The following XNDC1N variants were observed in gnomAD, a reference collection of about 807,000 sequenced individuals.
The protein encoded by XNDC1N is XRCC1 N-terminal domain containing 1, N-terminal like, also known as protein XNDC1N.
chr11:71,912,473 C>T, the XNDC1N span, among the ~76,000 whole-genome samples: 12 of 152,126 alleles, frequency 7.9e-5, no homozygotes, highest in East Asian at 1.2e-3. Flanking sequence ...TACGTTGTTG[C>T]GAGTAATATC....
the XNDC1N span, among the ~76,000 whole-genome samples, chr11:71,881,577 A>G: frequency 6.6e-6 from 1 of 152,074 alleles, no homozygotes; most frequent in Admixed American, 6.6e-5. Context: ...TAATAAGGAC[A>G]TCAGCCATAT....
At chr11:71,923,819 T>C in the XNDC1N span, among the ~76,000 whole-genome samples, 5 of 152,012 alleles carry the variant, frequency 3.3e-5, no homozygotes, top group Non-Finnish European at 7.4e-5. Flanking sequence ...ACTCCCAAAG[T>C]GTTGGGATTA....
chr11:71,928,456 T>C, the XNDC1N span: 2 of 702,318 alleles, frequency 2.8e-6, no homozygotes, highest in South Asian at 3.0e-5. Flanking sequence ...GACCTTCGCC[T>C]TCTGACCCCG....
the XNDC1N span, among the ~76,000 whole-genome samples, chr11:71,904,260 C>A: frequency 6.6e-6 from 1 of 152,156 alleles, no homozygotes; most frequent in African/African-American, 2.4e-5. Context: ...ACAGAATATA[C>A]TGTCACAGAG....
the XNDC1N span, among the ~76,000 whole-genome samples, chr11:71,900,125 G>A: frequency 2.6e-5 from 4 of 152,314 alleles, no homozygotes; most frequent in African/African-American, 4.8e-5. Context: ...TCACATCTTC[G>A]TTGCTGACCT....
chr11:71,885,361 T>C, the XNDC1N span, among the ~76,000 whole-genome samples: 1 of 152,150 alleles, frequency 6.6e-6, no homozygotes, highest in Non-Finnish European at 1.5e-5. Context: ...GCCATATATA[T>C]AGTCCTATCA....
At chr11:71,911,680 G>A in the XNDC1N span, among the ~76,000 whole-genome samples, 1 of 152,166 alleles carries the variant, frequency 6.6e-6, no homozygotes, top group Non-Finnish European at 1.5e-5. Context: ...GTGATAGAAA[G>A]AAAAGGGCCT....
At chr11:71,907,475 C>T in the XNDC1N span, among the ~76,000 whole-genome samples, 1 of 46,868 alleles carries the variant, frequency 2.1e-5, no homozygotes, top group Non-Finnish European at 1.3e-4. Flanking sequence ...CTCTTGCCCC[C>T]CCTGGCTCTT....
chr11:71,872,856 A>G, the XNDC1N span, among the ~76,000 whole-genome samples: 1 of 152,226 alleles, frequency 6.6e-6, no homozygotes, highest in Non-Finnish European at 1.5e-5. Flanking sequence ...TTTGGTCAAT[A>G]TTATTCATTC....
At chr11:71,908,182 T>C in the XNDC1N span, among the ~76,000 whole-genome samples, 3 of 151,768 alleles carry the variant, frequency 2.0e-5, no homozygotes, top group Non-Finnish European at 2.9e-5. Context: ...TGAATATGAA[T>C]GACCGATATT....
chr11:71,907,509 CTGTT>C, the XNDC1N span, among the ~76,000 whole-genome samples: 16 of 151,846 alleles, frequency 1.1e-4, no homozygotes, highest in Non-Finnish European at 1.6e-4. Context: ...GACTCACAGC[CTGTT>C]TAACATATTG....
the XNDC1N span, chr11:71,928,421 T>C: frequency 4.3e-6 from 3 of 701,290 alleles, no homozygotes; most frequent in Non-Finnish European, 7.8e-6. Flanking sequence ...CCACCAAACC[T>C]ATTCTCCCGC....
the XNDC1N span, among the ~76,000 whole-genome samples, chr11:71,890,844 C>T: frequency 1.3e-5 from 2 of 151,974 alleles, no homozygotes; most frequent in Non-Finnish European, 2.9e-5. Context: ...ACAGACCCTG[C>T]GACCTTTGCT....
At chr11:71,888,316 GT>G in the XNDC1N span, among the ~76,000 whole-genome samples, 1 of 152,188 alleles carries the variant, frequency 6.6e-6, no homozygotes, top group East Asian at 1.9e-4. Context: ...CTGAAGGCAG[GT>G]GAGAGAATTC....
chr11:71,916,913 T>C, the XNDC1N span: 1 of 157,132 alleles, frequency 6.4e-6, no homozygotes, highest in Non-Finnish European at 1.4e-5. Context: ...TCAGTAAACA[T>C]TATATGCTAC....
At chr11:71,880,854 A>G in the XNDC1N span, among the ~76,000 whole-genome samples, 1 of 152,074 alleles carries the variant, frequency 6.6e-6, no homozygotes, top group Non-Finnish European at 1.5e-5. Context: ...TTCTAGTTCT[A>G]TTCTATTTTT....
At chr11:71,923,706 C>T in the XNDC1N span, among the ~76,000 whole-genome samples, 1 of 152,114 alleles carries the variant, frequency 6.6e-6, no homozygotes, top group African/African-American at 2.4e-5. Flanking sequence ...CAGGTGCCCG[C>T]CACCACGCCC....
chr11:71,882,943 T>G, the XNDC1N span, among the ~76,000 whole-genome samples: 722 of 152,286 alleles, frequency 4.7e-3, 6 homozygotes, highest in African/African-American at 0.017. Context: ...GTTGTGTTTC[T>G]ATAGCACTAA....
At chr11:71,872,401 C>T in the XNDC1N span, among the ~76,000 whole-genome samples, 4 of 152,188 alleles carry the variant, frequency 2.6e-5, no homozygotes, top group Non-Finnish European at 5.9e-5. Flanking sequence ...TGCTTATTCT[C>T]TTTCATAAAA....
Sources: gnomAD v4.1 joint callset for allele counts (sites outside exome capture counted in the v4.1 genomes callset) on GRCh38, gnomAD v4.1.1 for gene constraint, MANE v1.5 for transcripts, NCBI Gene and HGNC (gene_info 2026-07-23, HGNC 2026-07-21) for gene names.